The following FAM114A2 variants were observed in gnomAD, a reference collection of about 807,000 sequenced individuals.
FAM114A2 encodes the protein family with sequence similarity 114 member A2.
FAM114A2 carries 53 observed loss-of-function variants against 58.4 expected under a neutral mutation model. The ratio of observed to expected loss-of-function variants is 0.91; its 90% CI spans 0.73 to 1.14. FAM114A2 has a LOEUF of 1.14. FAM114A2 is among the 50% of genes most tolerant of loss of function. The pLI is 0.00. For missense variants in FAM114A2, 601 were observed against 581.1 expected (o/e 1.03, Z -0.35); for synonymous variants, 228 against 211.4 (o/e 1.08, Z -0.68).
chr5:153,996,175 T>C (rs1446961716), intron 12 of FAM114A2, among the ~76,000 whole-genome samples: 2 of 152,194 alleles, frequency 1.3e-5, no homozygotes, highest in Admixed American at 6.5e-5. Context: ...ATCAAGACGA[T>C]ATGACACTGG....
rs950473992 is a variant in FAM114A2, at chr5:154,026,496, A to G, written c.816T>C (p.Ser272=). The part of the protein sequence containing the change: ...IKVKSILNSL[S]GEELETLKVE... The stretch of plus-strand genomic sequence containing the variant: ...CTTTTAGAGTCTCTAATTCTTCTCC[A>G]CTCAGAGAATTAAGGATAGATTTCA... The change falls in exon 8 of 14, where the codon AGT becomes AGC. Residue 272 remains serine, a synonymous_variant. Transcript: ENST00000351797. 1.9e-6 allele frequency: 3 copies of G among 1,545,966 alleles called. No homozygotes were observed. Among genetic ancestry groups the G allele is most frequent in the Non-Finnish European group, 1.7e-6 (2 of 1,145,948 alleles).
In FAM114A2 at chr5:153,991,275, G is replaced by C. The variant is rs1769236649; in HGVS notation, c.*1701C>G. ...AAGAAAAACCTTAAATACATTTCTA[G>C]GTTAAGGATTTAAAGCTGCCAAACT... is the stretch of plus-strand genomic sequence containing the variant. On this transcript the variant is annotated 3_prime_UTR_variant, in exon 14 of 14. Coordinates refer to ENST00000351797, the MANE Select transcript of FAM114A2 (RefSeq NM_018691.4). 1 of 152,120 alleles carries C rather than the reference G, an allele frequency of 6.6e-6. No individual in the cohort carries two copies. The highest frequency in any genetic ancestry group is 2.4e-5 in the African/African-American group (1 of 41,428). The allele number at this position is 152,120 out of a possible 1,614,324, so 9.4% of individuals were successfully genotyped here.
chr5:154,027,412 AG>A (rs1302334102), intron 6 of FAM114A2, 78 bp from the exon 7 acceptor site: 1 of 1,279,184 alleles, frequency 7.8e-7, no homozygotes, highest in African/African-American at 1.5e-5. Flanking sequence ...AAGGAAGCAA[AG>A]CTTAGACAGG....
At chr5:154,034,665 G>A in intron 2 of FAM114A2, 79 bp downstream of exon 2, 2 of 1,032,038 alleles carry the variant, frequency 1.9e-6, no homozygotes, top group Non-Finnish European at 3.0e-6. Flanking sequence ...TGGTATTTAT[G>A]CCAAATTTCT....
intron 8 of FAM114A2, among the ~76,000 whole-genome samples, chr5:154,014,082 C>G (rs947478418): frequency 2.6e-5 from 4 of 152,142 alleles, no homozygotes; most frequent in African/African-American, 9.7e-5. Context: ...TTTTATTCAC[C>G]ATGCTATACT....
chr5:154,033,877 C>A lies in FAM114A2; in HGVS notation c.317G>T (p.Gly106Val). ...TGCCTTCTCGATGACATTTGAAATG[C>A]CTTGTCCTAATGAGAAAAATAACTT... ...ASATVATVGQ[G>V]ISNVIEKAET... is the part of the protein sequence containing the mutation. The change falls in exon 4 of 14, where the codon GGC becomes GTC. Residue 106 changes from glycine to valine, a missense_variant. By Grantham distance (109) the Gly-to-Val change is moderately radical. Coordinates refer to ENST00000351797, the MANE Select transcript of FAM114A2 (RefSeq NM_018691.4). 6.2e-7 allele frequency: 1 copy of A among 1,600,440 alleles called. No homozygotes were observed. Among genetic ancestry groups the A allele is most frequent in the Non-Finnish European group, 8.5e-7 (1 of 1,169,700 alleles).
chr5:153,994,318 T>C (rs1185412376), intron 13 of FAM114A2, among the ~76,000 whole-genome samples: 1 of 152,204 alleles, frequency 6.6e-6, no homozygotes, highest in Non-Finnish European at 1.5e-5. Flanking sequence ...AAAAAGTCTA[T>C]GTTGTCTGCA....
intron 8 of FAM114A2, among the ~76,000 whole-genome samples, chr5:154,019,163 T>C (rs1771237197): frequency 2.0e-5 from 3 of 151,990 alleles, no homozygotes; most frequent in Non-Finnish European, 2.9e-5. Context: ...TCTGAAGTCC[T>C]AGAACTGATA....
intron 12 of FAM114A2, among the ~76,000 whole-genome samples, chr5:153,996,509 A>G (rs1769563835): frequency 6.6e-6 from 1 of 151,970 alleles, no homozygotes; most frequent in Non-Finnish European, 1.5e-5. Context: ...ATGACAACTC[A>G]TGGACTTGGA....
intron 9 of FAM114A2, among the ~76,000 whole-genome samples, chr5:154,006,255 G>A (rs1770336634): frequency 6.6e-6 from 1 of 152,164 alleles, no homozygotes; most frequent in South Asian, 2.1e-4. Flanking sequence ...ATTCAATGGT[G>A]AATAATACAA....
Position 154,002,894 on chromosome 5 carries a change from G to GT in FAM114A2, c.1068dup (p.Gln357ThrfsTer8). On this transcript the variant is annotated frameshift_variant, in exon 10 of 14. Transcript: ENST00000351797. LOFTEE classifies it high-confidence loss of function. ...TGCTCAGTATTTTCTGCTTCCGACT[G>GT]TTTTTCTCCTTCTTCATTCTCTGCT... 1.2e-6 allele frequency: 2 copies of GT among 1,614,012 alleles called. No individual in the cohort carries two copies. The highest frequency in any genetic ancestry group is 1.7e-6 in the Non-Finnish European group (2 of 1,179,928).
intron 9 of FAM114A2, among the ~76,000 whole-genome samples, chr5:154,009,332 T>C (rs1340575330): frequency 4.6e-5 from 7 of 151,840 alleles, no homozygotes; most frequent in Admixed American, 2.6e-4. Context: ...AGGACAGTGA[T>C]GAATTACAAG....
intron 9 of FAM114A2, 50 bp downstream of exon 9, chr5:154,011,191 T>C (rs1222564884): frequency 1.5e-6 from 2 of 1,356,242 alleles, no homozygotes; most frequent in Admixed American, 1.8e-5. Flanking sequence ...CTTTATCCAC[T>C]ACATTTTTAC....
chr5:154,007,610 C>G (rs1397090613), intron 9 of FAM114A2, among the ~76,000 whole-genome samples: 3 of 152,210 alleles, frequency 2.0e-5, no homozygotes, highest in Admixed American at 6.5e-5. Context: ...TAAGGAGTTA[C>G]TGGCCTTACA....
chr5:153,997,917 T>A lies in FAM114A2; in HGVS notation c.1257-42A>T, dbSNP rs190599383. 3,396 of 1,196,046 alleles carry A rather than the reference T, an allele frequency of 2.8e-3. 78 individuals are homozygous for A. In the African/African-American group the frequency reaches 0.042, roughly 15 times the overall value. 74.1% of individuals were successfully genotyped at this position (1,196,046 alleles called of 1,614,324 possible). A position where few individuals can be genotyped will look rare whatever the true frequency, so the allele number is the denominator to read the frequency against. On this transcript the variant is annotated intron_variant, in intron 11 of 13. Transcript: ENST00000351797. ...AAGTCAGAAACGTTTTTTCTTTTTT[T>A]AAAAAAATAAGTTATATTTAACAAT...
chr5:154,021,794 C>A (rs544029717), intron 8 of FAM114A2, among the ~76,000 whole-genome samples: 2 of 152,160 alleles, frequency 1.3e-5, no homozygotes, highest in African/African-American at 4.8e-5. Flanking sequence ...TTGGAAAAAA[C>A]TACTGTAAAG....
At chr5:154,032,219 C>A (rs2113494353) in intron 4 of FAM114A2, among the ~76,000 whole-genome samples, 1 of 152,018 alleles carries the variant, frequency 6.6e-6, no homozygotes, top group East Asian at 1.9e-4. Flanking sequence ...AGACCCTCTT[C>A]AAAAAAAGTA....
At chr5:154,019,541 T>C (rs1316941073) in intron 8 of FAM114A2, among the ~76,000 whole-genome samples, 1 of 152,108 alleles carries the variant, frequency 6.6e-6, no homozygotes, top group Non-Finnish European at 1.5e-5. Context: ...ATCCTAAAAT[T>C]TGTATGGAAC....
chr5:153,994,754 A>C (rs1769446622), intron 13 of FAM114A2, 165 bp downstream of exon 13: 2 of 560,726 alleles, frequency 3.6e-6, no homozygotes, highest in Admixed American at 6.1e-5. Context: ...CTAATTAATA[A>C]GGAAGGAATA....
Sources: gnomAD v4.1 joint callset for allele counts (sites outside exome capture counted in the v4.1 genomes callset) on GRCh38, gnomAD v4.1.1 for gene constraint, MANE v1.5 for transcripts, NCBI Gene and HGNC (gene_info 2026-07-23, HGNC 2026-07-21) for gene names.